Variants in FGF12 observed in about 807,000 individuals in gnomAD.
FGF12 encodes fibroblast growth factor 12, also known as fibroblast growth factor 12B.
A neutral mutation model predicts 23.6 loss-of-function variants in FGF12; 14 were observed. That is an observed-to-expected ratio of 0.59 (90% CI 0.39 to 0.93). The LOEUF is 0.93. FGF12 is among the 40% of genes least tolerant of loss of function. FGF12 has a pLI of 0.00. For synonymous variants in FGF12, 62 were observed against 77.3 expected, an observed-to-expected ratio of 0.80 and a Z score of 1.04; for missense variants, 175 against 217.8, an observed-to-expected ratio of 0.80 and a Z score of 1.24.
At chr3:192,374,384 A>C (rs1719379342) in intron 2 of FGF12, among the ~76,000 whole-genome samples, 1 of 152,180 alleles carries the variant, frequency 6.6e-6, no homozygotes, top group Non-Finnish European at 1.5e-5. Context: ...TTTCTTCTTT[A>C]ACTCTGATAT....
chr3:192,317,830 G>A (rs1256354571), intron 4 of FGF12, among the ~76,000 whole-genome samples: 2 of 152,170 alleles, frequency 1.3e-5, no homozygotes, highest in Non-Finnish European at 2.9e-5. Flanking sequence ...AGTGGTGGTG[G>A]CCACAGGGGT....
chr3:192,270,960 T>G (rs972948231), intron 4 of FGF12, among the ~76,000 whole-genome samples: 5 of 152,164 alleles, frequency 3.3e-5, no homozygotes, highest in African/African-American at 1.2e-4. Context: ...ATGTAGGTTT[T>G]TCTTGCCCTT....
intron 2 of FGF12, among the ~76,000 whole-genome samples, chr3:192,398,643 A>G (rs988591055): frequency 1.1e-4 from 17 of 152,132 alleles, no homozygotes; most frequent in African/African-American, 4.1e-4. Context: ...CAGCTTCCCA[A>G]AGTGCTGGAA....
intron 2 of FGF12, among the ~76,000 whole-genome samples, chr3:192,662,617 G>C (rs943661978): frequency 6.6e-5 from 10 of 152,258 alleles, no homozygotes; most frequent in African/African-American, 2.4e-4. Flanking sequence ...TCTGTCTCCA[G>C]TTTTTACAGA....
chr3:192,592,377 C>T (rs1349002087), intron 2 of FGF12, among the ~76,000 whole-genome samples: 3 of 151,842 alleles, frequency 2.0e-5, no homozygotes, highest in Non-Finnish European at 4.4e-5. Context: ...TGTCTACTGC[C>T]ACCAGCATCT....
At chr3:192,203,215 C>G (rs369734750) in intron 4 of FGF12, among the ~76,000 whole-genome samples, 3 of 151,520 alleles carry the variant, frequency 2.0e-5, no homozygotes, top group African/African-American at 7.3e-5. Context: ...ACTGATAGAA[C>G]TAATTTGGTA....
At chr3:192,270,540 G>A (rs897141563) in intron 4 of FGF12, among the ~76,000 whole-genome samples, 2 of 152,112 alleles carry the variant, frequency 1.3e-5, no homozygotes, top group African/African-American at 4.8e-5. Flanking sequence ...AAGATGTTAA[G>A]TACATTGCAG....
Position 192,143,869 on chromosome 3 carries a change from G to C in FGF12, c.*140C>G, listed in dbSNP as rs1042015362. 12 of 587,524 alleles carry C rather than the reference G, an allele frequency of 2.0e-5. 1 individual carries two copies. Among genetic ancestry groups the C allele is most frequent in the Middle Eastern group, 2.8e-4 (1 of 3,524 alleles). The allele number at this position is 587,524 out of a possible 1,614,324, so 36.4% of individuals were successfully genotyped here. ...CTTGTCCTACACAAAGGAAGATTTT[G>C]AGTGCAGAATCTTAGCCACTAGGTC... is the stretch of plus-strand genomic sequence containing the variant. On this transcript the variant is annotated 3_prime_UTR_variant, in exon 6 of 6. Coordinates refer to ENST00000445105, the MANE Select transcript of FGF12 (RefSeq NM_004113.6).
At chr3:192,391,396 G>A (rs1174689374) in intron 2 of FGF12, among the ~76,000 whole-genome samples, 1 of 152,118 alleles carries the variant, frequency 6.6e-6, no homozygotes, top group Non-Finnish European at 1.5e-5. Context: ...TTTGGTTAAC[G>A]TTAAAAAATA....
intron 2 of FGF12, among the ~76,000 whole-genome samples, chr3:192,571,230 G>A (rs574397706): frequency 2.0e-5 from 3 of 152,204 alleles, no homozygotes; most frequent in African/African-American, 7.2e-5. Flanking sequence ...TCGTGAAATC[G>A]TTTTCTGTGC....
At chr3:192,553,771 A>G (rs1577050684) in intron 2 of FGF12, among the ~76,000 whole-genome samples, 3 of 152,172 alleles carry the variant, frequency 2.0e-5, no homozygotes, top group East Asian at 1.9e-4. Flanking sequence ...GGAAACGAAA[A>G]GACTAAAACA....
At chr3:192,354,860 C>T (rs1342097560) in intron 3 of FGF12, among the ~76,000 whole-genome samples, 2 of 152,104 alleles carry the variant, frequency 1.3e-5, no homozygotes, top group African/African-American at 2.4e-5. Flanking sequence ...CATGCACCAC[C>T]GTGCCTGGCT....
chr3:192,636,440 A>G (rs561149206), intron 2 of FGF12, among the ~76,000 whole-genome samples: 1 of 152,350 alleles, frequency 6.6e-6, no homozygotes, highest in Admixed American at 6.5e-5. Context: ...AATTTCAACA[A>G]CCACTATAAA....
At position 192,563,992 on chromosome 3, in the gene FGF12, A is replaced by G. The variant is rs1175478250; in HGVS notation, c.13+163189T>C. ...TTTTCAGTGTTCAACCTGTCCATAT[A>G]TTAGGAGGCACCAAGGCTTAAAATT... is the stretch of plus-strand genomic sequence containing the variant. On this transcript the variant is annotated intron_variant, in intron 2 of 5. Transcript: ENST00000445105. Among the ~76,000 whole-genome samples the G allele has an allele frequency of 3.3e-5, 5 of 152,092 alleles. 1 individual carries two copies. In the East Asian group the frequency reaches 9.7e-4, roughly 29 times the overall value.
At chr3:192,453,276 T>C (rs1283297429) in intron 2 of FGF12, among the ~76,000 whole-genome samples, 1 of 152,228 alleles carries the variant, frequency 6.6e-6, no homozygotes, top group African/African-American at 2.4e-5. Flanking sequence ...TATTTGATTC[T>C]TTTGGGAAAC....
At chr3:192,688,918 A>G (rs566198932) in intron 2 of FGF12, among the ~76,000 whole-genome samples, 370 of 152,314 alleles carry the variant, frequency 2.4e-3, no homozygotes, top group African/African-American at 8.3e-3. Flanking sequence ...ATAAAAAAAT[A>G]AAATTATGTC....
intron 2 of FGF12, among the ~76,000 whole-genome samples, chr3:192,615,278 T>G (rs182441927): frequency 1.3e-5 from 2 of 152,128 alleles, no homozygotes; most frequent in South Asian, 2.1e-4. Flanking sequence ...ATGTGTGTGT[T>G]TTTTTATTCT....
intron 2 of FGF12, among the ~76,000 whole-genome samples, chr3:192,423,119 T>C (rs1721582272): frequency 6.6e-6 from 1 of 152,108 alleles, no homozygotes; most frequent in Admixed American, 6.6e-5. Flanking sequence ...TCCTTGAAAA[T>C]TGTGGGTAAG....
At chr3:192,249,447 G>A (rs1711854972) in intron 4 of FGF12, among the ~76,000 whole-genome samples, 1 of 152,080 alleles carries the variant, frequency 6.6e-6, no homozygotes, top group Non-Finnish European at 1.5e-5. Flanking sequence ...TAGTAATACA[G>A]TAAAATAATT....
Sources: allele counts gnomAD v4.1 joint callset (sites outside exome capture counted in the v4.1 genomes callset), GRCh38; gene constraint gnomAD v4.1.1; transcripts MANE v1.5; gene names NCBI Gene and HGNC (gene_info 2026-07-23, HGNC 2026-07-21).